The following SIL1 variants were observed in gnomAD, a reference collection of about 807,000 sequenced individuals.
The protein encoded by SIL1 is SIL1 nucleotide exchange factor, also known as nucleotide exchange factor SIL1.
SIL1 carries 40 observed loss-of-function variants against 49.1 expected under a neutral mutation model. The observed-to-expected ratio is 0.81, with a 90% CI of 0.63 to 1.06. The LOEUF (loss-of-function observed/expected upper bound fraction) is 1.06, where lower values mean the gene tolerates loss of function less well. Ranked by LOEUF, SIL1 falls within the 50% of genes least tolerant of loss-of-function variation. The pLI, the probability that SIL1 is intolerant of heterozygous loss-of-function variation, is 0.00. For synonymous variants in SIL1, 253 were observed against 250.8 expected (o/e 1.01, Z -0.08); for missense variants, 500 against 572.6 (o/e 0.87, Z 1.29).
intron 1 of SIL1, among the ~76,000 whole-genome samples, chr5:139,167,200 A>AC: frequency 7.0e-6 from 1 of 142,092 alleles, no homozygotes; most frequent in South Asian, 2.2e-4. Context: ...AGTAACCCCC[A>AC]CCCCCCGCCT....
At chr5:139,072,851 A>G (rs1280485468) in intron 3 of SIL1, among the ~76,000 whole-genome samples, 1 of 152,210 alleles carries the variant, frequency 6.6e-6, no homozygotes, top group East Asian at 1.9e-4. Context: ...ATGGAACTCA[A>G]CTCAACAGCA....
At chr5:139,051,177 C>T in intron 3 of SIL1, 131 bp from the exon 4 acceptor site, 3 of 753,924 alleles carry the variant, frequency 4.0e-6, no homozygotes, top group Non-Finnish European at 7.1e-6. Flanking sequence ...CCTCCTCAAT[C>T]CACCCATCCC....
At chr5:139,198,046 A>G (rs1170288131) in intron 1 of SIL1, among the ~76,000 whole-genome samples, 1 of 152,224 alleles carries the variant, frequency 6.6e-6, no homozygotes, top group African/African-American at 2.4e-5. Flanking sequence ...CTGCCAATAA[A>G]GAGGTGAATG....
chr5:138,989,673 T>C (rs1448431323), intron 7 of SIL1, among the ~76,000 whole-genome samples: 1 of 152,168 alleles, frequency 6.6e-6, no homozygotes, highest in Non-Finnish European at 1.5e-5. Context: ...ATCATCTAGC[T>C]TGATAAGCCC....
chr5:139,052,833 A>G (rs1438125547), intron 3 of SIL1, among the ~76,000 whole-genome samples: 1 of 152,166 alleles, frequency 6.6e-6, no homozygotes, highest in Non-Finnish European at 1.5e-5. Context: ...ATGCACTGAC[A>G]CGGAACCCAA....
At chr5:139,196,999 T>C (rs997462664) in intron 1 of SIL1, among the ~76,000 whole-genome samples, 1 of 151,960 alleles carries the variant, frequency 6.6e-6, no homozygotes, top group South Asian at 2.1e-4. Context: ...CCAGGCGAGG[T>C]GGCTCATGCC....
chr5:139,108,289 G>A (rs1184935325), intron 3 of SIL1: 2 of 152,224 alleles, frequency 1.3e-5, no homozygotes, highest in Non-Finnish European at 2.9e-5. Context: ...GGGAAAAATA[G>A]ATGAGCATGT....
chr5:138,955,887 G>A (rs1473468690), intron 7 of SIL1, among the ~76,000 whole-genome samples: 3 of 152,208 alleles, frequency 2.0e-5, no homozygotes, highest in Non-Finnish European at 4.4e-5. Flanking sequence ...AACAACAAGG[G>A]CTGAAAAGTA....
chr5:138,971,206 C>T (rs940804030), intron 7 of SIL1, among the ~76,000 whole-genome samples: 2 of 152,086 alleles, frequency 1.3e-5, no homozygotes, highest in Non-Finnish European at 2.9e-5. Flanking sequence ...CCTTCATAGC[C>T]CACCACATTG....
At chr5:139,099,571 T>C (rs969624010) in intron 3 of SIL1, among the ~76,000 whole-genome samples, 4 of 152,092 alleles carry the variant, frequency 2.6e-5, no homozygotes, top group African/African-American at 9.7e-5. Flanking sequence ...GTGGTACATA[T>C]ACACAATGGA....
At chr5:139,074,720 T>C (rs574275327) in intron 3 of SIL1, among the ~76,000 whole-genome samples, 17 of 152,360 alleles carry the variant, frequency 1.1e-4, no homozygotes, top group African/African-American at 3.6e-4. Flanking sequence ...GGCCGTAGTT[T>C]GTGAGGTGGG....
intron 3 of SIL1, among the ~76,000 whole-genome samples, chr5:139,083,897 A>G (rs2151771996): frequency 1.5e-5 from 1 of 66,792 alleles, no homozygotes; most frequent in South Asian, 5.8e-4. Flanking sequence ...CTTTCTACAT[A>G]TGGCTAGCCA....
chr5:139,110,125 C>T (rs889516760), intron 3 of SIL1, among the ~76,000 whole-genome samples: 7 of 150,198 alleles, frequency 4.7e-5, no homozygotes, highest in Admixed American at 1.3e-4. Flanking sequence ...GCCGAGATCA[C>T]GCCATTGCAC....
intron 7 of SIL1, among the ~76,000 whole-genome samples, chr5:138,975,001 A>C (rs562182356): frequency 3.3e-5 from 5 of 152,284 alleles, no homozygotes; most frequent in African/African-American, 1.2e-4. Context: ...ATAGACCAGG[A>C]TCTTACTCAA....
chr5:139,040,365 G>T (rs1348170929), intron 5 of SIL1, among the ~76,000 whole-genome samples: 5 of 152,122 alleles, frequency 3.3e-5, no homozygotes, highest in Non-Finnish European at 7.3e-5. Flanking sequence ...CATAAGTAAG[G>T]AAAGAGTATG....
intron 7 of SIL1, among the ~76,000 whole-genome samples, chr5:138,970,471 T>C (rs571940940): frequency 3.4e-4 from 52 of 152,314 alleles, no homozygotes; most frequent in African/African-American, 1.1e-3. Context: ...TCAGAGGAAT[T>C]TGAATTCCTT....
At chr5:139,124,785 T>C (rs1460928371) in intron 2 of SIL1, among the ~76,000 whole-genome samples, 1 of 152,226 alleles carries the variant, frequency 6.6e-6, no homozygotes, top group African/African-American at 2.4e-5. Flanking sequence ...CAAGGTGCCT[T>C]CCATTCCTCA....
At chr5:139,194,381 T>C (rs1181467514) in intron 1 of SIL1, among the ~76,000 whole-genome samples, 1 of 152,206 alleles carries the variant, frequency 6.6e-6, no homozygotes, top group Admixed American at 6.5e-5. Context: ...TCACTCTGAA[T>C]GGCAACAGGC....
chr5:139,086,983 T>C (rs1027295249), intron 3 of SIL1, among the ~76,000 whole-genome samples: 1 of 151,430 alleles, frequency 6.6e-6, no homozygotes, highest in African/African-American at 2.4e-5. Context: ...TAATAATTAA[T>C]TATATTTCTT....
Sources: gnomAD v4.1 joint callset for allele counts (sites outside exome capture counted in the v4.1 genomes callset) on GRCh38, gnomAD v4.1.1 for gene constraint, MANE v1.5 for transcripts, NCBI Gene and HGNC (gene_info 2026-07-23, HGNC 2026-07-21) for gene names.